RBM20: variants seen among roughly 807,000 people sequenced by gnomAD.
The protein encoded by RBM20 is RNA binding motif protein 20.
RBM20 carries 51 observed loss-of-function variants against 110.1 expected under a neutral mutation model. That is an observed-to-expected ratio of 0.46 (90% CI 0.37 to 0.59). RBM20 has a LOEUF of 0.59. Among genes scored for constraint, RBM20 ranks in the 20% least tolerant of loss-of-function variants. The probability of loss-of-function intolerance (pLI) is 0.00; values close to 1 mark genes in which losing one functional copy is unlikely to be tolerated. For missense variants in RBM20, 1,512 were observed against 1,574.9 expected (o/e 0.96, Z 0.68); for synonymous variants, 589 against 618.2 (o/e 0.95, Z 0.70).
chr10:110,663,551 T>A (rs900415313), intron 1 of RBM20, among the ~76,000 whole-genome samples: 1 of 151,780 alleles, frequency 6.6e-6, no homozygotes, highest in African/African-American at 2.4e-5. Context: ...AATGGAAGAG[T>A]GGGTCAGAGG....
chr10:110,705,941 G>A (rs1182953104), intron 1 of RBM20, among the ~76,000 whole-genome samples: 1 of 152,108 alleles, frequency 6.6e-6, no homozygotes, highest in African/African-American at 2.4e-5. Context: ...AATTGGCCGG[G>A]TGTGATGGCA....
chr10:110,802,760 G>T (rs75497793), intron 7 of RBM20, among the ~76,000 whole-genome samples: 4,685 of 152,306 alleles, frequency 0.031, 124 homozygotes, highest in African/African-American at 0.061. Flanking sequence ...GCCATGGAGG[G>T]AGAAGTAGCA....
chr10:110,769,770 G>A (rs778188509), intron 1 of RBM20, among the ~76,000 whole-genome samples: 5 of 151,704 alleles, frequency 3.3e-5, no homozygotes, highest in Non-Finnish European at 7.4e-5. Flanking sequence ...CCAGGCTGGA[G>A]TGCAGTGTTG....
intron 1 of RBM20, among the ~76,000 whole-genome samples, chr10:110,700,706 G>A (rs113285171): frequency 2.6e-5 from 4 of 152,242 alleles, no homozygotes; most frequent in African/African-American, 9.6e-5. Flanking sequence ...CAGGAAATGG[G>A]ATGGGCAACA....
At chr10:110,767,074 C>T (rs1409555662) in intron 1 of RBM20, among the ~76,000 whole-genome samples, 4 of 125,182 alleles carry the variant, frequency 3.2e-5, no homozygotes, top group African/African-American at 6.1e-5. Context: ...GCTGGCCGGG[C>T]GGGGGGTGAC....
At chr10:110,682,109 C>G (rs1049506993) in intron 1 of RBM20, among the ~76,000 whole-genome samples, 1 of 152,126 alleles carries the variant, frequency 6.6e-6, no homozygotes, top group African/African-American at 2.4e-5. Flanking sequence ...CAAGGCTGAT[C>G]TCGAACTCCT....
chr10:110,657,411 A>G (rs1173697636), intron 1 of RBM20, among the ~76,000 whole-genome samples: 1 of 151,580 alleles, frequency 6.6e-6, no homozygotes, highest in Non-Finnish European at 1.5e-5. Context: ...AATGATATTG[A>G]GCTTCTTTTC....
Position 110,781,577 on chromosome 10 carries a change from A to G in RBM20, c.968A>G (p.His323Arg), listed in dbSNP as rs568559249. ...ACAAACAGCCAATGGGAGAGCCCCC[A>G]TGGATTCTCGGGCCAAAGCAAGCCT... ...QGTNSQWESP[H>R]GFSGQSKPDL... The change falls in exon 2 of 14, where the codon CAT (histidine) becomes CGT (arginine). Residue 323 changes from histidine (H) to arginine (R), a missense_variant. Around this residue, in one of 3 missense-constraint regions of RBM20, gnomAD observed 1,149 missense variants for 1,169.4 expected, o/e 0.98. Transcript: ENST00000369519. 2.6e-6 allele frequency: 4 copies of G among 1,551,640 alleles called. No homozygotes were observed. The highest frequency in any genetic ancestry group is 2.6e-6 in the Non-Finnish European group (3 of 1,146,962).
chr10:110,712,521 T>C lies in RBM20; in HGVS notation c.191+67876T>C, dbSNP rs553682004. On this transcript the variant is annotated intron_variant, in intron 1 of 13. Transcript: ENST00000369519. The stretch of plus-strand genomic sequence containing the variant: ...GTGGCTCACCCCTGTAATCCCAGCA[T>C]TTTGGGAGGCCAAGGCGGGTGGATC... 6.6e-5 allele frequency among the ~76,000 whole-genome samples: 10 copies of C among 152,282 alleles called. No homozygotes were observed. The East Asian group carries it at 1.9e-3, about 29-fold the overall frequency.
At chr10:110,805,435 G>A (rs1486041337) in intron 7 of RBM20, among the ~76,000 whole-genome samples, 1 of 152,200 alleles carries the variant, frequency 6.6e-6, no homozygotes, top group Non-Finnish European at 1.5e-5. Context: ...GAAGGTTTCA[G>A]TGTCTTCCCA....
At chr10:110,705,648 A>G (rs1316707533) in intron 1 of RBM20, among the ~76,000 whole-genome samples, 1 of 152,258 alleles carries the variant, frequency 6.6e-6, no homozygotes, top group Admixed American at 6.5e-5. Context: ...TGCTTATGAA[A>G]GCGTAAGTAA....
intron 9 of RBM20, among the ~76,000 whole-genome samples, chr10:110,813,684 A>C (rs1844804181): frequency 6.6e-6 from 1 of 151,938 alleles, no homozygotes; most frequent in Admixed American, 6.6e-5. Flanking sequence ...AAAATACAAA[A>C]ATTAGCCAGG....
intron 5 of RBM20, among the ~76,000 whole-genome samples, chr10:110,785,387 C>A (rs1844407512): frequency 6.6e-6 from 1 of 152,102 alleles, no homozygotes; most frequent in Non-Finnish European, 1.5e-5. Context: ...CCAAGGAGAT[C>A]ATCACACTTT....
At chr10:110,751,355 A>G (rs1370743194) in intron 1 of RBM20, among the ~76,000 whole-genome samples, 1 of 152,220 alleles carries the variant, frequency 6.6e-6, no homozygotes, top group African/African-American at 2.4e-5. Flanking sequence ...ATTCATCTCC[A>G]CAGCATCATT....
At chr10:110,826,628 G>A (rs1255407198) in intron 12 of RBM20, among the ~76,000 whole-genome samples, 2 of 151,336 alleles carry the variant, frequency 1.3e-5, no homozygotes, top group Non-Finnish European at 2.9e-5. Flanking sequence ...CGTTACCCAG[G>A]CGGGAGTACA....
At chr10:110,685,631 A>C (rs1194634370) in intron 1 of RBM20, among the ~76,000 whole-genome samples, 1 of 152,166 alleles carries the variant, frequency 6.6e-6, no homozygotes, top group East Asian at 1.9e-4. Context: ...CAGGTTTAGA[A>C]GGCACAGAGG....
chr10:110,777,298 T>C (rs1844278313), intron 1 of RBM20, among the ~76,000 whole-genome samples: 1 of 152,236 alleles, frequency 6.6e-6, no homozygotes, highest in African/African-American at 2.4e-5. Context: ...AGACATCAGT[T>C]CCAGCTTCCA....
chr10:110,668,613 A>C (rs530187802), intron 1 of RBM20, among the ~76,000 whole-genome samples: 1 of 152,242 alleles, frequency 6.6e-6, no homozygotes, highest in African/African-American at 2.4e-5. Context: ...AGAGGAAAAA[A>C]AAAACTGAAC....
intron 1 of RBM20, among the ~76,000 whole-genome samples, chr10:110,723,604 G>T (rs546641340): frequency 1.4e-4 from 22 of 152,144 alleles, no homozygotes; most frequent in Non-Finnish European, 2.5e-4. Context: ...TCATCTTTTT[G>T]ATTTCAGCCA....
Sources: allele counts gnomAD v4.1 joint callset (sites outside exome capture counted in the v4.1 genomes callset), GRCh38; gene constraint gnomAD v4.1.1; regional missense constraint gnomAD v4.1.1; transcripts MANE v1.5; gene names NCBI Gene and HGNC (gene_info 2026-07-23, HGNC 2026-07-21).